The following SUGT1 variants were observed in gnomAD, a reference collection of about 807,000 sequenced individuals.
The protein encoded by SUGT1 is protein SGT1 homolog.
Under a neutral mutation model 56.1 loss-of-function variants are expected in SUGT1, and 15 were observed. That is an observed-to-expected ratio of 0.27 (90% confidence interval 0.18 to 0.41). The LOEUF (loss-of-function observed/expected upper bound fraction) is 0.41, where lower values mean the gene tolerates loss of function less well. Among genes scored for constraint, SUGT1 ranks in the 10% least tolerant of loss-of-function variants. The probability of loss-of-function intolerance (pLI) is 1.00; values close to 1 mark genes in which losing one functional copy is unlikely to be tolerated. For synonymous variants in SUGT1, 123 were observed against 128.6 expected (o/e 0.96, Z 0.30); for missense variants, 347 against 382.2 (o/e 0.91, Z 0.77).
Position 52,676,212 on chromosome 13 carries a change from AT to A in SUGT1, c.628-15del. The A allele has an allele frequency of 1.9e-6, 3 of 1,598,650 alleles. No homozygotes were observed. In the South Asian group the frequency reaches 3.4e-5, roughly 18 times the overall value. On this transcript the variant is annotated splice_polypyrimidine_tract_variant and intron_variant, in intron 10 of 12. Transcript: ENST00000310528. ...TATTTTACGTCGAGTAATGGAGTTT[AT>A]TTGGTGTTTCCTCCAGATTGAAATT...
chr13:52,664,450 G>GA (rs1220456699), intron 8 of SUGT1, among the ~76,000 whole-genome samples: 1 of 152,130 alleles, frequency 6.6e-6, no homozygotes, highest in African/African-American at 2.4e-5. Context: ...TGTATGCGTT[G>GA]AAAGTTAATA....
At chr13:52,668,625 A>G (rs61959594) in intron 10 of SUGT1, among the ~76,000 whole-genome samples, 5,447 of 152,276 alleles carry the variant, frequency 0.036, 129 homozygotes, top group South Asian at 0.064. Flanking sequence ...TTGGTCTCTC[A>G]CTGGTCCTAT....
Position 52,662,667 on chromosome 13 carries a change from G to A in SUGT1, c.347G>A (p.Ser116Asn). 3 of 1,613,816 alleles carry A rather than the reference G, an allele frequency of 1.9e-6. No individual in the cohort carries two copies. Among genetic ancestry groups the A allele is most frequent in the Non-Finnish European group, 2.5e-6 (3 of 1,179,808 alleles). ...QKLDSADANFSVWIKRCQEAQ... is the reference protein window; with the variant it reads ...QKLDSADANFNVWIKRCQEAQ... ...TTTCTAGGTGCAGATGCTAATTTCA[G>A]TGTCTGGATTAAAAGGTGTCAAGAA... The change falls in exon 6 of 13, where the codon AGT becomes AAT. Residue 116 changes from serine to asparagine, a missense_variant. Transcript: ENST00000310528.
At chr13:52,654,904 G>A (rs1310832448) in intron 2 of SUGT1, among the ~76,000 whole-genome samples, 1 of 152,196 alleles carries the variant, frequency 6.6e-6, no homozygotes, top group Admixed American at 6.5e-5. Context: ...GAATACTCTT[G>A]TACATGTATT....
At position 52,657,572 on chromosome 13, in the gene SUGT1, A is replaced by C. The variant is rs1429976410; in HGVS notation, c.137A>C (p.Gln46Pro). 6.2e-7 allele frequency: 1 copy of C among 1,613,774 alleles called. No homozygotes were observed. The highest frequency in any genetic ancestry group is 8.5e-7 in the Non-Finnish European group (1 of 1,179,792). ...KALEQKPDDA[Q>P]YYCQRAYCHI... ...TTGGAACAGAAACCAGATGATGCACAGTATTATTGTCAAAGAGCTTATTGT... is the reference window on the plus strand; with the variant it reads ...TTGGAACAGAAACCAGATGATGCACCGTATTATTGTCAAAGAGCTTATTGT... Residue 46 changes from glutamine (Q) to proline (P), a missense_variant, in exon 3 of 13, where the codon CAG becomes CCG. Gln to Pro is a moderately conservative substitution (Grantham distance 76). Coordinates refer to ENST00000310528, the MANE Select transcript of SUGT1 (RefSeq NM_006704.5).
chr13:52,659,116 T>A, intron 4 of SUGT1, 63 bp from the exon 5 acceptor site: 1 of 1,333,606 alleles, frequency 7.5e-7, no homozygotes, highest in Non-Finnish European at 1.0e-6. Context: ...GTTTTTTATT[T>A]AGAAAGAAGG....
intron 8 of SUGT1, 118 bp downstream of exon 8, chr13:52,664,175 C>A: frequency 9.1e-7 from 1 of 1,104,926 alleles, no homozygotes; most frequent in Non-Finnish European, 1.3e-6. Flanking sequence ...TGTTTGTTTT[C>A]TAAAATTGTG....
intron 12 of SUGT1, among the ~76,000 whole-genome samples, chr13:52,686,464 C>T (rs1963593525): frequency 6.6e-6 from 1 of 152,122 alleles, no homozygotes; most frequent in Non-Finnish European, 1.5e-5. Flanking sequence ...GGTAATTAGG[C>T]TCACACAGAA....
chr13:52,687,635 A>G (rs1281487869), intron 12 of SUGT1, 99 bp from the exon 13 acceptor site: 2 of 763,994 alleles, frequency 2.6e-6, no homozygotes, highest in Middle Eastern at 2.8e-4. Context: ...TGTATATAAT[A>G]GCCAATATTT....
chr13:52,669,507 C>A (rs1318976171), intron 10 of SUGT1, among the ~76,000 whole-genome samples: 3 of 152,184 alleles, frequency 2.0e-5, no homozygotes, highest in Non-Finnish European at 4.4e-5. Flanking sequence ...AGTTTAAATA[C>A]TTTCCCCAAG....
At position 52,693,146 on chromosome 13, in the gene SUGT1, T is replaced by A. The variant is rs1343828294; in HGVS notation, c.*5311T>A. The A allele has an allele frequency of 2.6e-5, 4 of 152,052 alleles. No homozygotes were observed. Among genetic ancestry groups the A allele is most frequent in the Non-Finnish European group, 5.9e-5 (4 of 68,014 alleles). 9.4% of individuals were successfully genotyped at this position (152,052 alleles called of 1,614,324 possible). A position where few individuals can be genotyped will look rare whatever the true frequency, so the allele number is the denominator to read the frequency against. On this transcript the variant is annotated 3_prime_UTR_variant, in exon 13 of 13. Coordinates refer to ENST00000310528, the MANE Select transcript of SUGT1 (RefSeq NM_006704.5). ...TATATATATATATTTGAATTTTGGC[T>A]TGTCTGGAGTCTTAAATATTTGGTA...
rs1034291512 is a variant in SUGT1 at position 52,699,050 on chromosome 13, A to G, written c.*11215A>G. The G allele has an allele frequency of 1.3e-5, 2 of 152,194 alleles. No individual in the cohort carries two copies. The highest frequency in any genetic ancestry group is 2.9e-5 in the Non-Finnish European group (2 of 68,030). The allele number at this position is 152,194 out of a possible 1,614,324, so 9.4% of individuals were successfully genotyped here. ...AGGAGAGAACAGAAGTGAGATTAGC[A>G]CTAATCACCTCTAATGCCTTATTTC... On this transcript the variant is annotated 3_prime_UTR_variant, in exon 13 of 13. Coordinates refer to ENST00000310528, the MANE Select transcript of SUGT1 (RefSeq NM_006704.5).
At chr13:52,657,268 C>A (rs1962212519) in intron 2 of SUGT1, among the ~76,000 whole-genome samples, 1 of 152,002 alleles carries the variant, frequency 6.6e-6, no homozygotes, top group African/African-American at 2.4e-5. Flanking sequence ...TAATAATGAT[C>A]ATTTATTAAG....
intron 5 of SUGT1, among the ~76,000 whole-genome samples, chr13:52,659,789 AATATATAT>A (rs1213211180): frequency 3.0e-3 from 146 of 48,960 alleles, no homozygotes; most frequent in African/African-American, 9.2e-3. Flanking sequence ...GAGAGTCAAG[AATATATAT>A]ATATATATAT....
At chr13:52,665,415 G>C (rs1419494033) in intron 8 of SUGT1, among the ~76,000 whole-genome samples, 16 of 152,178 alleles carry the variant, frequency 1.1e-4, no homozygotes, top group Admixed American at 1.0e-3. Context: ...AAGTATTTAA[G>C]TCTACTGGAA....
intron 12 of SUGT1, among the ~76,000 whole-genome samples, chr13:52,685,975 T>C (rs1306180046): frequency 1.3e-5 from 2 of 152,208 alleles, no homozygotes; most frequent in Non-Finnish European, 2.9e-5. Flanking sequence ...TCACTCAGGC[T>C]GGAATGCAGT....
chr13:52,663,080 T>C lies in SUGT1; in HGVS notation c.383-16T>C, dbSNP rs936391734. 6.2e-7 allele frequency: 1 copy of C among 1,605,444 alleles called. No homozygotes were observed. The highest frequency in any genetic ancestry group is 1.7e-5 in the Admixed American group (1 of 58,694). On this transcript the variant is annotated splice_polypyrimidine_tract_variant and intron_variant, in intron 6 of 12. Transcript: ENST00000310528. ...GCACTGTTCCCTGAAAATGTTTCCTTTTTATGTTTTAATAGGCTCAGAATC... is the reference window on the plus strand; with the variant it reads ...GCACTGTTCCCTGAAAATGTTTCCTCTTTATGTTTTAATAGGCTCAGAATC...
At chr13:52,668,167 A>G (rs1962794423) in intron 10 of SUGT1, among the ~76,000 whole-genome samples, 1 of 152,036 alleles carries the variant, frequency 6.6e-6, no homozygotes. Flanking sequence ...ATTTTTGTAG[A>G]GATGGGGTTT....
At position 52,680,164 on chromosome 13, in the gene SUGT1, A is replaced by G; in HGVS notation, c.900+9A>G. The G allele has an allele frequency of 6.4e-7, 1 of 1,554,484 alleles. No homozygotes were observed. Among genetic ancestry groups the G allele is most frequent in the Non-Finnish European group, 8.6e-7 (1 of 1,160,954 alleles). ...CCATGAACAAATCCTTTGTAAGAAT[A>G]TAAACTTAAAGAAATATATATGGGA... On this transcript the variant is annotated intron_variant, in intron 12 of 12. Transcript: ENST00000310528.
Sources: gnomAD v4.1 joint callset for allele counts (sites outside exome capture counted in the v4.1 genomes callset) on GRCh38, gnomAD v4.1.1 for gene constraint, MANE v1.5 for transcripts, NCBI Gene and HGNC (gene_info 2026-07-23, HGNC 2026-07-21) for gene names.